Variants in XNDC1N observed in about 807,000 individuals in gnomAD.
The protein encoded by XNDC1N is XRCC1 N-terminal domain containing 1, N-terminal like.
chr11:71,901,952 C>G, the XNDC1N span, among the ~76,000 whole-genome samples: 1 of 152,064 alleles, frequency 6.6e-6, no homozygotes, highest in Admixed American at 6.5e-5. Flanking sequence ...ATCCCCTGAC[C>G]TGAAGTTCTG....
At chr11:71,868,379 T>A in the XNDC1N span, among the ~76,000 whole-genome samples, 2 of 152,240 alleles carry the variant, frequency 1.3e-5, no homozygotes, top group Admixed American at 6.5e-5. Flanking sequence ...ATAGTGTCAA[T>A]ATCTATGTAA....
chr11:71,904,078 G>C, the XNDC1N span: 5 of 521,356 alleles, frequency 9.6e-6, no homozygotes, highest in Non-Finnish European at 1.9e-5. Context: ...GAGAAACAGG[G>C]ATATGAAAAG....
chr11:71,875,144 GA>G, the XNDC1N span, among the ~76,000 whole-genome samples: 4 of 151,962 alleles, frequency 2.6e-5, no homozygotes, highest in Admixed American at 6.6e-5. Context: ...AATATATTAT[GA>G]AATATCCATA....
chr11:71,909,115 T>C, the XNDC1N span, among the ~76,000 whole-genome samples: 1 of 152,188 alleles, frequency 6.6e-6, no homozygotes, highest in African/African-American at 2.4e-5. Flanking sequence ...ATGATTCACA[T>C]GGCTTTAGTC....
At chr11:71,889,842 T>A in the XNDC1N span, among the ~76,000 whole-genome samples, 1 of 152,272 alleles carries the variant, frequency 6.6e-6, no homozygotes. Context: ...TTCTTGGGCA[T>A]ACCTACTCTG....
chr11:71,883,316 C>T, the XNDC1N span, among the ~76,000 whole-genome samples: 7 of 152,092 alleles, frequency 4.6e-5, no homozygotes, highest in Non-Finnish European at 8.8e-5. Context: ...AAGCTAGGGG[C>T]ATCACATTTT....
At chr11:71,924,377 T>C in the XNDC1N span, among the ~76,000 whole-genome samples, 1 of 151,216 alleles carries the variant, frequency 6.6e-6, no homozygotes, top group African/African-American at 2.4e-5. Flanking sequence ...AGACCCTAAC[T>C]CTAAAAAAAA....
the XNDC1N span, chr11:71,893,591 G>C: frequency 9.6e-7 from 1 of 1,041,768 alleles, no homozygotes; most frequent in Non-Finnish European, 1.5e-6. Flanking sequence ...ATGGTGCTGA[G>C]GAACCTGCTC....
the XNDC1N span, among the ~76,000 whole-genome samples, chr11:71,913,665 TAAAAAAAAAAA>T: frequency 6.1e-3 from 647 of 105,340 alleles, 4 homozygotes; most frequent in African/African-American, 0.021. Context: ...TCTCAAAAGA[TAAAAAAAAAAA>T]AAAAAAAAAA....
chr11:71,912,221 G>T, the XNDC1N span, among the ~76,000 whole-genome samples: 1 of 152,184 alleles, frequency 6.6e-6, no homozygotes, highest in African/African-American at 2.4e-5. Context: ...TTATGGAGCA[G>T]CCCCCTTTGA....
At chr11:71,923,401 C>T in the XNDC1N span, 1 of 701,878 alleles carries the variant, frequency 1.4e-6, no homozygotes, top group East Asian at 2.7e-5. Context: ...TGCTTCCTCT[C>T]AAGATTTCTT....
the XNDC1N span, among the ~76,000 whole-genome samples, chr11:71,906,856 G>A: frequency 6.6e-6 from 1 of 152,128 alleles, no homozygotes; most frequent in African/African-American, 2.4e-5. Flanking sequence ...AGAATATGAT[G>A]ATAATATCAC....
chr11:71,908,051 GA>G, the XNDC1N span, among the ~76,000 whole-genome samples: 5 of 152,146 alleles, frequency 3.3e-5, no homozygotes, highest in African/African-American at 1.2e-4. Context: ...CTGCGATATA[GA>G]ACGTAATATC....
the XNDC1N span, among the ~76,000 whole-genome samples, chr11:71,902,469 G>A: frequency 6.6e-6 from 1 of 152,230 alleles, no homozygotes; most frequent in African/African-American, 2.4e-5. Context: ...GGGATTACCG[G>A]CGTGAGCCAC....
At chr11:71,889,457 T>C in the XNDC1N span, among the ~76,000 whole-genome samples, 9 of 152,220 alleles carry the variant, frequency 5.9e-5, no homozygotes, top group Non-Finnish European at 1.3e-4. Flanking sequence ...TGGGACCTAC[T>C]TCTTCTAACG....
the XNDC1N span, among the ~76,000 whole-genome samples, chr11:71,883,161 A>C: frequency 6.6e-6 from 1 of 152,208 alleles, no homozygotes; most frequent in Admixed American, 6.5e-5. Context: ...TAAAATATCC[A>C]TACTATTCAA....
chr11:71,886,647 A>T, the XNDC1N span, among the ~76,000 whole-genome samples: 1 of 152,204 alleles, frequency 6.6e-6, no homozygotes, highest in African/African-American at 2.4e-5. Context: ...AAATCAGCGC[A>T]TGATTCCCAT....
chr11:71,887,941 G>A, the XNDC1N span, among the ~76,000 whole-genome samples: 5 of 138,184 alleles, frequency 3.6e-5, no homozygotes, highest in Non-Finnish European at 4.4e-5. Flanking sequence ...GGGAAGATCC[G>A]GAGTCAGGTG....
chr11:71,915,559 T>C, the XNDC1N span, among the ~76,000 whole-genome samples: 1 of 152,156 alleles, frequency 6.6e-6, no homozygotes, highest in African/African-American at 2.4e-5. Flanking sequence ...ATTGTCATGA[T>C]CTGGAACCAA....
Sources: gnomAD v4.1 joint callset for allele counts (sites outside exome capture counted in the v4.1 genomes callset) on GRCh38, gnomAD v4.1.1 for gene constraint, MANE v1.5 for transcripts, NCBI Gene and HGNC (gene_info 2026-07-23, HGNC 2026-07-21) for gene names.